The following ADAMTSL3 variants were observed in gnomAD, a reference collection of about 807,000 sequenced individuals.
The protein encoded by ADAMTSL3 is ADAMTS like 3.
In ADAMTSL3, 128 loss-of-function variants were observed where a neutral mutation model predicts 201.7. The observed-to-expected ratio is 0.63, with a 90% CI of 0.55 to 0.73. The LOEUF (loss-of-function observed/expected upper bound fraction) is 0.73, where lower values mean the gene tolerates loss of function less well. Among genes scored for constraint, ADAMTSL3 ranks in the 30% least tolerant of loss-of-function variants. The probability of loss-of-function intolerance (pLI) is 0.00; values close to 1 mark genes in which losing one functional copy is unlikely to be tolerated. For missense variants in ADAMTSL3, 1,990 were observed against 2,119.6 expected (o/e 0.94, Z 1.20); for synonymous variants, 738 against 748.4 (o/e 0.99, Z 0.23).
intron 15 of ADAMTSL3, among the ~76,000 whole-genome samples, chr15:83,907,086 C>T (rs1461952396): frequency 8.3e-5 from 10 of 120,378 alleles, no homozygotes; most frequent in African/African-American, 3.5e-4. Context: ...AGAGCAAGAC[C>T]CTGTCTCTGG....
intron 2 of ADAMTSL3, among the ~76,000 whole-genome samples, chr15:83,676,196 T>G (rs2061402684): frequency 1.3e-5 from 2 of 152,158 alleles, no homozygotes; most frequent in South Asian, 4.1e-4. Context: ...TGATTTGAGA[T>G]CTTTTCTTTT....
chr15:83,928,191 C>G (rs1233269717), intron 17 of ADAMTSL3, among the ~76,000 whole-genome samples: 1 of 152,028 alleles, frequency 6.6e-6, no homozygotes, highest in Non-Finnish European at 1.5e-5. Context: ...TCTCTGTCAT[C>G]TAAGCTGGAG....
intron 19 of ADAMTSL3, among the ~76,000 whole-genome samples, chr15:83,952,698 T>G (rs535213179): frequency 3.4e-4 from 51 of 151,694 alleles, no homozygotes; most frequent in Non-Finnish European, 6.6e-4. Context: ...CCCAGCTACT[T>G]GGGAGGTTGA....
At chr15:83,981,615 C>G (rs749978694) in intron 20 of ADAMTSL3, among the ~76,000 whole-genome samples, 4 of 152,238 alleles carry the variant, frequency 2.6e-5, no homozygotes, top group African/African-American at 4.8e-5. Context: ...TCAGGTTTAT[C>G]TGACTTCAAA....
chr15:83,903,947 A>AG (rs1567226135), intron 15 of ADAMTSL3, among the ~76,000 whole-genome samples: 1 of 66,198 alleles, frequency 1.5e-5, no homozygotes, highest in African/African-American at 8.5e-5. Flanking sequence ...AAAAAAAAGA[A>AG]AAAAGAAAGA....
chr15:83,869,959 G>C (rs28545666), intron 8 of ADAMTSL3, among the ~76,000 whole-genome samples: 40,843 of 151,972 alleles, frequency 0.27, 6,119 homozygotes, highest in Admixed American at 0.43. Context: ...CTCTCAACAT[G>C]AAACCAGATC....
chr15:83,888,597 G>T (rs952638343), intron 10 of ADAMTSL3, among the ~76,000 whole-genome samples: 2 of 152,140 alleles, frequency 1.3e-5, no homozygotes, highest in Admixed American at 6.5e-5. Flanking sequence ...CGGTCTCTAA[G>T]GTACCGGGGG....
In ADAMTSL3 at chr15:83,870,971, C is replaced by T; in HGVS notation, c.960+12C>T. 1 of 1,609,160 alleles carries T rather than the reference C, an allele frequency of 6.2e-7. No individual in the cohort carries two copies. The highest frequency in any genetic ancestry group is 8.5e-7 in the Non-Finnish European group (1 of 1,178,850). ...ATTTCATCTTCAAGGTAGGATGATC[C>T]TCTTCATAAACTTCATGTACCTGAA... On this transcript the variant is annotated intron_variant, in intron 9 of 29. Transcript: ENST00000286744.
At chr15:83,663,557 T>A (rs1324361504) in intron 2 of ADAMTSL3, among the ~76,000 whole-genome samples, 3 of 152,234 alleles carry the variant, frequency 2.0e-5, no homozygotes, top group Non-Finnish European at 4.4e-5. Context: ...CTTAGTGTAC[T>A]GTGCTTTGCT....
At chr15:83,681,266 T>G (rs1351386066) in intron 2 of ADAMTSL3, among the ~76,000 whole-genome samples, 2 of 152,250 alleles carry the variant, frequency 1.3e-5, no homozygotes, top group Non-Finnish European at 2.9e-5. Flanking sequence ...CATTGCAGAT[T>G]TCCATGTCAG....
chr15:83,827,515 G>A (rs1305608987), intron 6 of ADAMTSL3, among the ~76,000 whole-genome samples: 1 of 152,048 alleles, frequency 6.6e-6, no homozygotes, highest in Non-Finnish European at 1.5e-5. Context: ...CTTTAGTTTA[G>A]TTAGATCCCA....
At chr15:83,902,834 G>C (rs2065753125) in intron 15 of ADAMTSL3, among the ~76,000 whole-genome samples, 1 of 152,026 alleles carries the variant, frequency 6.6e-6, no homozygotes, top group South Asian at 2.1e-4. Context: ...GGCCCCACCT[G>C]TTAAGTCTTT....
chr15:83,847,092 A>T (rs2064513896), intron 7 of ADAMTSL3, among the ~76,000 whole-genome samples: 1 of 152,206 alleles, frequency 6.6e-6, no homozygotes, highest in African/African-American at 2.4e-5. Context: ...AGGGCTGAAG[A>T]TACTCATTTG....
intron 6 of ADAMTSL3, among the ~76,000 whole-genome samples, chr15:83,822,763 CAG>C (rs1241705117): frequency 9.3e-5 from 14 of 149,746 alleles, no homozygotes; most frequent in Admixed American, 2.7e-4. Context: ...GGCGGCCAGG[CAG>C]AGACGCTCCT....
intron 17 of ADAMTSL3, among the ~76,000 whole-genome samples, chr15:83,941,777 A>T (rs568674924): frequency 1.3e-5 from 2 of 152,316 alleles, no homozygotes; most frequent in East Asian, 3.9e-4. Context: ...GCATCCTTTT[A>T]TGAACATTTT....
At chr15:83,788,038 G>C (rs1352367733) in intron 4 of ADAMTSL3, among the ~76,000 whole-genome samples, 2 of 152,038 alleles carry the variant, frequency 1.3e-5, no homozygotes. Flanking sequence ...TCACAGCTAT[G>C]TCATGTAATA....
chr15:84,031,757 C>G (rs1442888744), intron 28 of ADAMTSL3, among the ~76,000 whole-genome samples: 1 of 152,114 alleles, frequency 6.6e-6, no homozygotes, highest in Non-Finnish European at 1.5e-5. Flanking sequence ...TAATAATATT[C>G]CATTTAGGCT....
chr15:83,889,165 A>G (rs1679720857), intron 10 of ADAMTSL3, among the ~76,000 whole-genome samples: 1 of 152,142 alleles, frequency 6.6e-6, no homozygotes, highest in Admixed American at 6.5e-5. Flanking sequence ...AAACTCTACA[A>G]ATTAGATTTA....
chr15:83,805,883 CT>C (rs2063595220), intron 5 of ADAMTSL3, among the ~76,000 whole-genome samples: 1 of 152,036 alleles, frequency 6.6e-6, no homozygotes, highest in Non-Finnish European at 1.5e-5. Context: ...CAGGGAGCCC[CT>C]AGTAGCCCCT....
Sources: allele counts gnomAD v4.1 joint callset (sites outside exome capture counted in the v4.1 genomes callset), GRCh38; gene constraint gnomAD v4.1.1; transcripts MANE v1.5; gene names NCBI Gene and HGNC (gene_info 2026-07-23, HGNC 2026-07-21).